The following SEC22A variants were observed in gnomAD, a reference collection of about 807,000 sequenced individuals.
The protein encoded by SEC22A is vesicle-trafficking protein SEC22a.
In SEC22A, 22 loss-of-function variants were observed where a neutral mutation model predicts 35.3. That is an observed-to-expected ratio of 0.62 (90% CI 0.45 to 0.89). The LOEUF (loss-of-function observed/expected upper bound fraction) is 0.89. SEC22A is among the 40% of genes least tolerant of loss of function. The pLI, the probability that SEC22A is intolerant of heterozygous loss-of-function variation, is 0.00. For missense variants in SEC22A, 354 were observed against 362.5 expected (o/e 0.98, Z 0.19); for synonymous variants, 119 against 129.5 (o/e 0.92, Z 0.55).
At chr3:123,203,590 A>G (rs1156757344) in intron 1 of SEC22A, among the ~76,000 whole-genome samples, 2 of 152,214 alleles carry the variant, frequency 1.3e-5, no homozygotes, top group African/African-American at 4.8e-5. Flanking sequence ...CATGGCTGGT[A>G]GATGGTGGAG....
intron 3 of SEC22A, among the ~76,000 whole-genome samples, chr3:123,224,892 G>C (rs983182489): frequency 3.3e-5 from 5 of 152,052 alleles, no homozygotes; most frequent in Admixed American, 1.3e-4. Context: ...TAAATCCTTA[G>C]TTTATTTAAA....
intron 4 of SEC22A, among the ~76,000 whole-genome samples, chr3:123,242,275 C>T (rs577106330): frequency 2.0e-5 from 3 of 152,274 alleles, no homozygotes; most frequent in East Asian, 3.9e-4. Flanking sequence ...TTGTTAAACA[C>T]GGCCCACCAT....
intron 5 of SEC22A, among the ~76,000 whole-genome samples, chr3:123,248,471 A>G (rs146664558): frequency 0.014 from 2,062 of 152,222 alleles, 23 homozygotes; most frequent in Non-Finnish European, 0.021. Flanking sequence ...TAAAAATATA[A>G]TACCATTTAT....
rs1365635867 is a variant in SEC22A, at chr3:123,272,283, A to G, written c.*561A>G. 1 of 152,510 alleles carries G rather than the reference A, an allele frequency of 6.6e-6. No homozygotes were observed. The highest frequency in any genetic ancestry group is 2.4e-5 in the African/African-American group (1 of 41,450). The allele number at this position is 152,510 out of a possible 1,614,324, so 9.4% of individuals were successfully genotyped here. On this transcript the variant is annotated 3_prime_UTR_variant, in exon 7 of 7. Coordinates refer to ENST00000492595, the MANE Select transcript of SEC22A (RefSeq NM_012430.5). Reference sequence around the variant, plus strand: ...TGCTTGAATCTTAACTCTGGAAATCACCTGATGTAGAAGAAGACTGTGATG... The same window carrying G: ...TGCTTGAATCTTAACTCTGGAAATCGCCTGATGTAGAAGAAGACTGTGATG...
intron 2 of SEC22A, among the ~76,000 whole-genome samples, chr3:123,214,709 G>A (rs13434309): frequency 0.23 from 34,329 of 152,114 alleles, 4,077 homozygotes; most frequent in Middle Eastern, 0.3. Context: ...AAACTTTGCA[G>A]TTGGCTTTAG....
rs541664953 is a variant in SEC22A, at chr3:123,209,203, T to TC, written c.-14dup. On this transcript the variant is annotated 5_prime_UTR_variant, in exon 2 of 7. Coordinates refer to ENST00000492595, the MANE Select transcript of SEC22A (RefSeq NM_012430.5). ...AAATTGTTCATTTTGTTTTAGGTCTTCTCTGTTGGTTGAAATGTCTATGAT... is the reference window on the plus strand; with the variant it reads ...AAATTGTTCATTTTGTTTTAGGTCTTCCTCTGTTGGTTGAAATGTCTATGAT... 3.8e-3 allele frequency: 6,061 copies of TC among 1,613,490 alleles called. 20 individuals carry two copies. The highest frequency in any genetic ancestry group is 8.9e-3 in the Middle Eastern group (54 of 6,060).
intron 5 of SEC22A, among the ~76,000 whole-genome samples, chr3:123,253,523 C>CCAAGAGACCAGCCTGGT (rs1414173074): frequency 6.6e-6 from 1 of 151,970 alleles, no homozygotes; most frequent in African/African-American, 2.4e-5. Flanking sequence ...ACCAGCCTGG[C>CCAAGAGACCAGCCTGGT]CAATGTGGTG....
At chr3:123,257,010 C>G (rs1419475682) in intron 5 of SEC22A, among the ~76,000 whole-genome samples, 1 of 152,074 alleles carries the variant, frequency 6.6e-6, no homozygotes, top group African/African-American at 2.4e-5. Flanking sequence ...CTGCCCACCT[C>G]GGCCTCCCAA....
At chr3:123,209,520 G>T in intron 2 of SEC22A, 121 bp downstream of exon 2, 1 of 741,370 alleles carries the variant, frequency 1.3e-6, no homozygotes. Flanking sequence ...GCATCATATT[G>T]TTCTGAACTT....
intron 5 of SEC22A, among the ~76,000 whole-genome samples, chr3:123,249,911 A>G (rs1033168665): frequency 7.2e-5 from 11 of 152,170 alleles, no homozygotes; most frequent in African/African-American, 2.7e-4. Context: ...AGGGAACAAA[A>G]CAAAAAAGAC....
At chr3:123,225,714 T>G (rs959663694) in intron 4 of SEC22A, among the ~76,000 whole-genome samples, 4 of 152,192 alleles carry the variant, frequency 2.6e-5, no homozygotes, top group African/African-American at 9.7e-5. Flanking sequence ...TCAGTTGTGC[T>G]CTGTTAATTT....
At chr3:123,248,013 C>T (rs1937580129) in intron 5 of SEC22A, among the ~76,000 whole-genome samples, 1 of 152,102 alleles carries the variant, frequency 6.6e-6, no homozygotes, top group South Asian at 2.1e-4. Flanking sequence ...CAAACCCCAT[C>T]CATCATAAAA....
chr3:123,251,884 A>ATATAGTGTTAGAAT (rs1937618061), intron 5 of SEC22A, among the ~76,000 whole-genome samples: 1 of 152,212 alleles, frequency 6.6e-6, no homozygotes, highest in Admixed American at 6.5e-5. Flanking sequence ...AAGGAGCACT[A>ATATAGTGTTAGAAT]TATAGTGTTA....
intron 1 of SEC22A, among the ~76,000 whole-genome samples, chr3:123,206,500 A>G (rs1936855187): frequency 6.6e-6 from 1 of 152,256 alleles, no homozygotes; most frequent in African/African-American, 2.4e-5. Context: ...TAGTTAAATA[A>G]TAAACGCTTA....
At chr3:123,215,104 C>T (rs574117280) in intron 2 of SEC22A, among the ~76,000 whole-genome samples, 9 of 152,344 alleles carry the variant, frequency 5.9e-5, no homozygotes, top group Admixed American at 2.6e-4. Flanking sequence ...AGGTACTTTA[C>T]TGACATTATC....
At chr3:123,223,991 A>C (rs1937176609) in intron 3 of SEC22A, among the ~76,000 whole-genome samples, 1 of 152,236 alleles carries the variant, frequency 6.6e-6, no homozygotes, top group South Asian at 2.1e-4. Flanking sequence ...CCAGAGATTC[A>C]GACTTTTGCG....
At chr3:123,228,906 G>T (rs1937264444) in intron 4 of SEC22A, among the ~76,000 whole-genome samples, 1 of 152,076 alleles carries the variant, frequency 6.6e-6, no homozygotes, top group South Asian at 2.1e-4. Context: ...ATTTGAACTG[G>T]CAGAAGAGTT....
At chr3:123,209,770 G>A (rs1194227727) in intron 2 of SEC22A, among the ~76,000 whole-genome samples, 1 of 152,192 alleles carries the variant, frequency 6.6e-6, no homozygotes. Flanking sequence ...GGAGGGGGTA[G>A]CACTTATCAC....
chr3:123,250,871 G>T (rs1937606586), intron 5 of SEC22A, among the ~76,000 whole-genome samples: 1 of 152,168 alleles, frequency 6.6e-6, no homozygotes, highest in African/African-American at 2.4e-5. Flanking sequence ...AGAGACTAAT[G>T]AACATGTTAG....
Sources: gnomAD v4.1 joint callset for allele counts (sites outside exome capture counted in the v4.1 genomes callset) on GRCh38, gnomAD v4.1.1 for gene constraint, MANE v1.5 for transcripts, NCBI Gene and HGNC (gene_info 2026-07-23, HGNC 2026-07-21) for gene names.